FAM131B: variants seen among roughly 807,000 people sequenced by gnomAD.
The protein encoded by FAM131B is family with sequence similarity 131 member B.
In FAM131B, 19 loss-of-function variants were observed where a neutral mutation model predicts 42.0. That is an observed-to-expected ratio of 0.45 (90% CI 0.32 to 0.66). The LOEUF (loss-of-function observed/expected upper bound fraction) is 0.66. Ranked by LOEUF, FAM131B falls within the 30% of genes least tolerant of loss-of-function variation. The pLI is 0.05. For synonymous variants in FAM131B, 183 were observed against 177.6 expected (o/e 1.03, Z -0.24); for missense variants, 370 against 468.4 (o/e 0.79, Z 1.94).
the FAM131B span, chr7:143,381,091 TG>T: frequency 1.8e-6 from 1 of 547,910 alleles, no homozygotes; most frequent in Non-Finnish European, 2.2e-6. Flanking sequence ...TGAGCCGGGC[TG>T]GGGCGGCGGG....
At chr7:143,381,674 A>G in the FAM131B span, 1 of 1,611,352 alleles carries the variant, frequency 6.2e-7, no homozygotes, top group Non-Finnish European at 8.5e-7. Flanking sequence ...CCCAAAGCCC[A>G]AAGTGAATCC....
At chr7:143,357,221 CTGAGATAGT>C in intron 6 of FAM131B, 50 bp downstream of exon 6, 1 of 1,564,392 alleles carries the variant, frequency 6.4e-7, no homozygotes, top group South Asian at 1.1e-5. Flanking sequence ...GTGGAGGCAG[CTGAGATAGT>C]TGGGGAGGCC....
chr7:143,374,564 C>A, the FAM131B span, among the ~76,000 whole-genome samples: 8 of 152,284 alleles, frequency 5.3e-5, no homozygotes, highest in South Asian at 2.1e-4. Context: ...TCTTTTCAAT[C>A]GAAAACTCTG....
chr7:143,368,672 T>G, the FAM131B span, among the ~76,000 whole-genome samples: 1 of 152,224 alleles, frequency 6.6e-6, no homozygotes, highest in Non-Finnish European at 1.5e-5. Flanking sequence ...GAGGCTCTAT[T>G]ACTACCTGTC....
rs1803875712 is a variant in FAM131B, at chr7:143,359,958, C to G, written c.138+82G>C. 1 of 1,114,030 alleles carries G rather than the reference C, an allele frequency of 9.0e-7. No individual in the cohort carries two copies. The highest frequency in any genetic ancestry group is 1.5e-5 in the African/African-American group (1 of 64,922). The allele number at this position is 1,114,030 out of a possible 1,614,324, so 69.0% of individuals were successfully genotyped here. On this transcript the variant is annotated intron_variant, in intron 2 of 6. Transcript: ENST00000443739. The surrounding 1 kb of genome is among the most constrained non-coding windows in gnomAD (Gnocchi z 5.4). ...AGAAATGTTCTGTAGAAGTGTCAGT[C>G]TGAAGGAGTGTTTGGGTTGTTGCCT...
the FAM131B span, among the ~76,000 whole-genome samples, chr7:143,377,777 G>T: frequency 2.0e-5 from 3 of 152,062 alleles, no homozygotes; most frequent in African/African-American, 7.2e-5. Flanking sequence ...GCAGTGGTGC[G>T]ATTTTGGCTC....
rs375554258 is a variant in FAM131B at position 143,356,697 on chromosome 7, C to T, written c.936G>A (p.Glu312=). The T allele has an allele frequency of 5.5e-4, 885 of 1,614,190 alleles. 2 individuals carry two copies. The highest frequency in any genetic ancestry group is 9.9e-4 in the Middle Eastern group (6 of 6,062). The change falls in exon 7 of 7, where the codon GAG becomes GAA. Residue 312 remains glutamate (E), a synonymous_variant. Transcript: ENST00000443739. The surrounding 1 kb of genome is among the most constrained non-coding windows in gnomAD (Gnocchi z 4.4). The part of the protein sequence containing the change: ...EEEKRPLAPE[E]EEDAGCRDLE... ...GGTCCCGGCATCCCGCATCCTCTTC[C>T]TCCTCAGGTGCCAATGGCCTCTTCT...
In FAM131B at chr7:143,359,651, G is replaced by A. The variant is rs1177403690; in HGVS notation, c.174+81C>T. 3.0e-6 allele frequency: 4 copies of A among 1,337,552 alleles called. No individual in the cohort carries two copies. Among genetic ancestry groups the A allele is most frequent in the African/African-American group, 1.4e-5 (1 of 68,992 alleles). The allele number at this position is 1,337,552 out of a possible 1,614,324, so 82.9% of individuals were successfully genotyped here. A position where few individuals can be genotyped will look rare whatever the true frequency, so the allele number is the denominator to read the frequency against. ...GTGCCTATTGGAGCCAGGGAATACC[G>A]TGCTGGTTGGAAGGTGCAAGGGAGA... On this transcript the variant is annotated intron_variant, in intron 3 of 6. Transcript: ENST00000443739. The surrounding 1 kb of genome is among the most constrained non-coding windows in gnomAD (Gnocchi z 5.4).
rs1257188816 is a variant in FAM131B at position 143,355,486 on chromosome 7, G to A, written c.*1064C>T. 3.3e-5 allele frequency: 5 copies of A among 152,658 alleles called. No homozygotes were observed. Among genetic ancestry groups the A allele is most frequent in the Non-Finnish European group, 5.9e-5 (4 of 68,104 alleles). 9.5% of individuals were successfully genotyped at this position (152,658 alleles called of 1,614,324 possible). ...CTCAGCTGCAACCCTGCCTGGCTGA[G>A]GGAGTGACAGCACCGGACTCCTCCC... On this transcript the variant is annotated 3_prime_UTR_variant, in exon 7 of 7. Transcript: ENST00000443739. This position sits in a 1 kb window ranked among gnomAD's most constrained non-coding sequence, Gnocchi z 4.1.
chr7:143,367,942 T>A, the FAM131B span, among the ~76,000 whole-genome samples: 1 of 152,332 alleles, frequency 6.6e-6, no homozygotes, highest in African/African-American at 2.4e-5. Flanking sequence ...TTGCCCTGTG[T>A]TTTCTTTGGG....
the FAM131B span, chr7:143,382,255 C>T: frequency 1.2e-6 from 2 of 1,612,350 alleles, no homozygotes; most frequent in African/African-American, 1.3e-5. Flanking sequence ...CAGACTTTCC[C>T]CTGCCTCCAC....
upstream of FAM131B, among the ~76,000 whole-genome samples, chr7:143,366,580 CAG>C: frequency 7.2e-6 from 1 of 139,362 alleles, no homozygotes; most frequent in South Asian, 2.3e-4. Flanking sequence ...TTTTTTGAGA[CAG>C]AGTCTCACTC....
the FAM131B span, among the ~76,000 whole-genome samples, chr7:143,374,208 G>A: frequency 2.6e-5 from 4 of 152,020 alleles, no homozygotes; most frequent in East Asian, 5.8e-4. Flanking sequence ...CCCACTGTGC[G>A]CCTACTCATT....
rs1302644834 is a variant in FAM131B at position 143,353,562 on chromosome 7, T to C, written c.*2988A>G. 3 of 152,550 alleles carry C rather than the reference T, an allele frequency of 2.0e-5. No homozygotes were observed. The highest frequency in any genetic ancestry group is 4.8e-5 in the African/African-American group (2 of 41,412). The allele number at this position is 152,550 out of a possible 1,614,324, so 9.4% of individuals were successfully genotyped here. ...TTGTGTACATAATCTCTAATATTTA[T>C]ATATATTGATATAGAATTCTCTCTA... On this transcript the variant is annotated 3_prime_UTR_variant, in exon 7 of 7. Transcript: ENST00000443739.
chr7:143,374,518 C>T, the FAM131B span, among the ~76,000 whole-genome samples: 3 of 152,334 alleles, frequency 2.0e-5, no homozygotes, highest in South Asian at 6.2e-4. Flanking sequence ...GCCCCTAAGG[C>T]GACACTTTCA....
chr7:143,356,253 A>T lies in FAM131B; in HGVS notation c.*297T>A. On this transcript the variant is annotated 3_prime_UTR_variant, in exon 7 of 7. Coordinates refer to ENST00000443739, the MANE Select transcript of FAM131B (RefSeq NM_001031690.3). The surrounding 1 kb of genome is among the most constrained non-coding windows in gnomAD (Gnocchi z 4.4). ...CTGCCCCCGTCCTCAGGGTGCACAC[A>T]CTGGAGGCTTTGTCGGCACAGACCC... 1 of 428,474 alleles carries T rather than the reference A, an allele frequency of 2.3e-6. No individual in the cohort carries two copies. The highest frequency in any genetic ancestry group is 4.2e-6 in the Non-Finnish European group (1 of 236,942). The allele number at this position is 428,474 out of a possible 1,614,324, so 26.5% of individuals were successfully genotyped here. A position where few individuals can be genotyped will look rare whatever the true frequency, so the allele number is the denominator to read the frequency against.
At chr7:143,362,765 TCGCCGCCGCCGCCGCCGCCGC>T (rs559900593), upstream of FAM131B, 3 of 236,930 alleles carry the variant, frequency 1.3e-5, no homozygotes, top group Admixed American at 6.1e-5. The surrounding 1 kb of genome is among the most constrained non-coding windows in gnomAD (Gnocchi z 7.7). Flanking sequence ...GGCAGCTCCG[TCGCCGCCGCCGCCGCCGCCGC>T]CGCCGCCGCC....
Position 143,357,001 on chromosome 7 carries a change from A to G in FAM131B, c.632T>C (p.Met211Thr), listed in dbSNP as rs573055780. Residue 211 changes from methionine (M) to threonine (T), a missense_variant, in exon 7 of 7, where the codon ATG becomes ACG. Transcript: ENST00000443739. The stretch of plus-strand genomic sequence containing the variant: ...CACGTAAGAGTGAGGCCATCCATCC[A>G]TGGGTGCTTGAGCCAGGGCATCTGG... ...DSQDALAQAP[M>T]DGWPHSYVSQ... The G allele has an allele frequency of 6.8e-6, 11 of 1,612,848 alleles. No homozygotes were observed. Among genetic ancestry groups the G allele is most frequent in the Non-Finnish European group, 8.5e-6 (10 of 1,179,100 alleles).
rs1265074635 is a variant in FAM131B, at chr7:143,359,950, G to C, written c.138+90C>G. On this transcript the variant is annotated intron_variant, in intron 2 of 6. Transcript: ENST00000443739. The surrounding 1 kb of genome is among the most constrained non-coding windows in gnomAD (Gnocchi z 5.4). ...GTGTTGTGAGAAATGTTCTGTAGAA[G>C]TGTCAGTCTGAAGGAGTGTTTGGGT... 9.5e-7 allele frequency: 1 copy of C among 1,055,056 alleles called. No individual in the cohort carries two copies. The highest frequency in any genetic ancestry group is 1.6e-5 in the African/African-American group (1 of 63,972). 65.4% of individuals were successfully genotyped at this position (1,055,056 alleles called of 1,614,324 possible).
Sources: allele counts gnomAD v4.1 joint callset (sites outside exome capture counted in the v4.1 genomes callset), GRCh38; gene constraint gnomAD v4.1.1; non-coding constraint Gnocchi (gnomAD v3.1); transcripts MANE v1.5; gene names NCBI Gene and HGNC (gene_info 2026-07-23, HGNC 2026-07-21).